Variants in CDC42SE2 observed in about 807,000 individuals in gnomAD.
The protein encoded by CDC42SE2 is CDC42 small effector 2.
CDC42SE2 carries 3 observed loss-of-function variants against 11.5 expected under a neutral mutation model. The ratio of observed to expected loss-of-function variants is 0.26; its 90% confidence interval spans 0.12 to 0.67. The LOEUF is 0.67. CDC42SE2 is among the 30% of genes least tolerant of loss of function. The pLI, the probability that CDC42SE2 is intolerant of heterozygous loss-of-function variation, is 0.80. For missense variants in CDC42SE2, 82 were observed against 106.8 expected (o/e 0.77, Z 1.02); for synonymous variants, 33 against 34.8 (o/e 0.95, Z 0.18).
intron 3 of CDC42SE2, among the ~76,000 whole-genome samples, chr5:131,377,293 C>T (rs1221511230): frequency 1.3e-5 from 2 of 151,686 alleles, no homozygotes; most frequent in African/African-American, 2.4e-5. Context: ...CTCAGCCTCT[C>T]GAGTAGTTGG....
chr5:131,347,268 GAA>G (rs1240457810), intron 2 of CDC42SE2, among the ~76,000 whole-genome samples: 1 of 151,914 alleles, frequency 6.6e-6, no homozygotes, highest in African/African-American at 2.4e-5. Context: ...TAATAAAGAA[GAA>G]AAGAGAGAAG....
Position 131,318,442 on chromosome 5 carries a change from A to G in CDC42SE2, c.-286+2298A>G, listed in dbSNP as rs116779320. ...TCATGGCAGGCATGCACCTTAAGCTAGATCAAGCAGAGTGAATCTTAGGAT... is the reference window on the plus strand; with the variant it reads ...TCATGGCAGGCATGCACCTTAAGCTGGATCAAGCAGAGTGAATCTTAGGAT... On this transcript the variant is annotated intron_variant, in intron 2 of 4. Coordinates refer to ENST00000505065, the MANE Select transcript of CDC42SE2 (RefSeq NM_001375635.1). 5.5e-3 allele frequency among the ~76,000 whole-genome samples: 839 copies of G among 152,330 alleles called. 8 individuals carry two copies. Among genetic ancestry groups the G allele is most frequent in the African/African-American group, 0.02 (817 of 41,574 alleles).
chr5:131,257,471 C>T (rs1277884107), intron 2 of CDC42SE2, among the ~76,000 whole-genome samples: 1 of 148,926 alleles, frequency 6.7e-6, no homozygotes, highest in African/African-American at 2.6e-5. Flanking sequence ...TTCTGTTCCA[C>T]TTGCTAATTT....
the CDC42SE2 span, among the ~76,000 whole-genome samples, chr5:131,233,929 A>G: frequency 6.6e-6 from 1 of 152,178 alleles, no homozygotes; most frequent in Non-Finnish European, 1.5e-5. Flanking sequence ...AAGAGGACAA[A>G]GTCACCATCA....
intron 1 of CDC42SE2, among the ~76,000 whole-genome samples, chr5:131,276,101 ATT>A (rs903852701): frequency 1.4e-5 from 2 of 143,630 alleles, no homozygotes. Flanking sequence ...TCAAGACAAG[ATT>A]TTTTTTTTTT....
intron 1 of CDC42SE2, among the ~76,000 whole-genome samples, chr5:131,300,109 A>G (rs1757649816): frequency 6.6e-6 from 1 of 152,096 alleles, no homozygotes; most frequent in Non-Finnish European, 1.5e-5. Context: ...TATTAATCCC[A>G]TTGTTGGTGA....
chr5:131,346,814 C>G (rs1758857566), intron 2 of CDC42SE2, among the ~76,000 whole-genome samples: 1 of 152,206 alleles, frequency 6.6e-6, no homozygotes, highest in Non-Finnish European at 1.5e-5. Context: ...TCTCAGACCA[C>G]AGTGCAATCA....
intron 1 of CDC42SE2, among the ~76,000 whole-genome samples, chr5:131,287,965 C>T (rs1235792011): frequency 3.3e-5 from 5 of 151,700 alleles, no homozygotes; most frequent in African/African-American, 9.7e-5. Context: ...GAGAAGTGGC[C>T]GGGCGTGGTG....
At chr5:131,341,725 C>A (rs1758715752) in intron 2 of CDC42SE2, among the ~76,000 whole-genome samples, 1 of 152,024 alleles carries the variant, frequency 6.6e-6, no homozygotes, top group Non-Finnish European at 1.5e-5. Flanking sequence ...CATAAAAAAA[C>A]TAAGCAATTA....
chr5:131,373,037 T>G (rs184871430), intron 3 of CDC42SE2, among the ~76,000 whole-genome samples: 1 of 152,272 alleles, frequency 6.6e-6, no homozygotes, highest in East Asian at 1.9e-4. Flanking sequence ...CTTTTTGAAA[T>G]GAACATGACC....
chr5:131,385,678 T>A, intron 4 of CDC42SE2, 34 bp downstream of exon 4: 1 of 1,347,432 alleles, frequency 7.4e-7, no homozygotes, highest in Non-Finnish European at 1.1e-6. Context: ...AGGTAGGGCA[T>A]TGGGGCATAG....
intron 1 of CDC42SE2, among the ~76,000 whole-genome samples, chr5:131,290,791 T>A (rs929164160): frequency 6.6e-6 from 1 of 152,114 alleles, no homozygotes; most frequent in Non-Finnish European, 1.5e-5. Flanking sequence ...TAACTGACTT[T>A]TATGATGAAA....
chr5:131,213,471 C>T, the CDC42SE2 span, among the ~76,000 whole-genome samples: 5 of 151,964 alleles, frequency 3.3e-5, no homozygotes, highest in Non-Finnish European at 7.4e-5. Context: ...TATTTTGAGA[C>T]AGGGCATTGC....
chr5:131,298,763 C>T (rs769392396), intron 1 of CDC42SE2, among the ~76,000 whole-genome samples: 3 of 152,118 alleles, frequency 2.0e-5, no homozygotes, highest in Non-Finnish European at 4.4e-5. Flanking sequence ...GTCATATCTT[C>T]CCCTTGTGCT....
chr5:131,215,485 C>A, the CDC42SE2 span, among the ~76,000 whole-genome samples: 48,340 of 152,082 alleles, frequency 0.32, 12,180 homozygotes, highest in African/African-American at 0.71. Context: ...TCACCCCTTA[C>A]CTCTGCTCTT....
At chr5:131,350,573 A>G (rs541767126) in intron 2 of CDC42SE2, among the ~76,000 whole-genome samples, 2 of 152,036 alleles carry the variant, frequency 1.3e-5, no homozygotes, top group Non-Finnish European at 2.9e-5. Context: ...TGAACGGTAT[A>G]AACAAAGTTA....
At chr5:131,369,523 A>C (rs1014383612) in intron 3 of CDC42SE2, among the ~76,000 whole-genome samples, 1 of 152,192 alleles carries the variant, frequency 6.6e-6, no homozygotes. Context: ...TTACCATCTT[A>C]CATTCCCACC....
chr5:131,258,590 A>G (rs1279560086), intron 2 of CDC42SE2, among the ~76,000 whole-genome samples: 3 of 151,958 alleles, frequency 2.0e-5, no homozygotes, highest in Non-Finnish European at 4.4e-5. Context: ...GCCAAGCTGC[A>G]TGTACCCTAA....
chr5:131,265,248 A>G (rs1423803264), intron 1 of CDC42SE2, among the ~76,000 whole-genome samples: 1 of 152,172 alleles, frequency 6.6e-6, no homozygotes, highest in Non-Finnish European at 1.5e-5. Flanking sequence ...TTGGTTTGAG[A>G]GAAGTTGGTA....
Sources: gnomAD v4.1 joint callset for allele counts (sites outside exome capture counted in the v4.1 genomes callset) on GRCh38, gnomAD v4.1.1 for gene constraint, MANE v1.5 for transcripts, NCBI Gene and HGNC (gene_info 2026-07-23, HGNC 2026-07-21) for gene names.